The following RIT2 variants were observed in gnomAD, a reference collection of about 807,000 sequenced individuals.
The protein encoded by RIT2 is GTP-binding protein Rit2.
RIT2 carries 24 observed loss-of-function variants against 23.7 expected under a neutral mutation model. That is an observed-to-expected ratio of 1.01 (90% CI 0.73 to 1.43). The LOEUF (loss-of-function observed/expected upper bound fraction) is 1.43. Ranked by LOEUF, RIT2 falls within the 40% of genes most tolerant of loss-of-function variation. RIT2 has a pLI of 0.00. For missense variants in RIT2, 236 were observed against 266.9 expected, an observed-to-expected ratio of 0.88 and a Z score of 0.81; for synonymous variants, 107 against 91.1, an observed-to-expected ratio of 1.17 and a Z score of -0.99.
intron 3 of RIT2, among the ~76,000 whole-genome samples, chr18:42,935,995 C>CA (rs1909448876): frequency 6.6e-6 from 1 of 151,696 alleles, no homozygotes; most frequent in African/African-American, 2.4e-5. Flanking sequence ...TTTCCTTTTA[C>CA]ATCCGAGATA....
intron 1 of RIT2, among the ~76,000 whole-genome samples, chr18:43,069,400 C>T (rs1026629969): frequency 6.6e-6 from 1 of 152,134 alleles, no homozygotes; most frequent in Non-Finnish European, 1.5e-5. Context: ...CAAGAACTCT[C>T]TTTTGGGATC....
chr18:42,964,349 T>C (rs1254578773), intron 3 of RIT2, among the ~76,000 whole-genome samples: 1 of 151,952 alleles, frequency 6.6e-6, no homozygotes, highest in African/African-American at 2.4e-5. Context: ...AGATAGCTAC[T>C]AGATGAAAAG....
chr18:43,045,023 T>C (rs554107662), intron 1 of RIT2, among the ~76,000 whole-genome samples: 1 of 152,326 alleles, frequency 6.6e-6, no homozygotes, highest in South Asian at 2.1e-4. Context: ...TGACAGTTTA[T>C]TTTGAACTTA....
chr18:42,938,850 C>T (rs559306282), intron 3 of RIT2, among the ~76,000 whole-genome samples: 10 of 152,200 alleles, frequency 6.6e-5, no homozygotes, highest in African/African-American at 2.4e-4. Context: ...GTGACCCTCC[C>T]GTCTCAGCCT....
intron 2 of RIT2, among the ~76,000 whole-genome samples, chr18:43,004,068 A>G (rs1169544856): frequency 1.3e-5 from 2 of 151,852 alleles, no homozygotes; most frequent in African/African-American, 2.4e-5. Context: ...TGCCGAAAAC[A>G]GTACTTTAAT....
intron 4 of RIT2, among the ~76,000 whole-genome samples, chr18:42,786,803 C>T (rs1443524521): frequency 2.6e-5 from 4 of 152,088 alleles, no homozygotes; most frequent in African/African-American, 9.7e-5. Context: ...TTCCATTTAT[C>T]AAAACTCGTT....
intron 4 of RIT2, among the ~76,000 whole-genome samples, chr18:42,785,472 T>C (rs1244135798): frequency 6.6e-6 from 1 of 151,898 alleles, no homozygotes; most frequent in Admixed American, 6.6e-5. Flanking sequence ...ATTTAAATTA[T>C]ATTTCTAGAT....
chr18:42,990,435 A>G (rs1285279681), intron 2 of RIT2, among the ~76,000 whole-genome samples: 2 of 152,196 alleles, frequency 1.3e-5, no homozygotes, highest in Non-Finnish European at 2.9e-5. Context: ...GGCCCAGTTG[A>G]TCTGATGTAT....
At chr18:42,809,817 T>A (rs1905785275) in intron 4 of RIT2, among the ~76,000 whole-genome samples, 1 of 133,964 alleles carries the variant, frequency 7.5e-6, no homozygotes, top group Admixed American at 7.4e-5. Context: ...TTATAACTTA[T>A]ATATATAATA....
chr18:42,897,163 C>T (rs949224), intron 4 of RIT2, among the ~76,000 whole-genome samples: 4 of 152,124 alleles, frequency 2.6e-5, no homozygotes, highest in African/African-American at 9.7e-5. Flanking sequence ...CTTTTACTTC[C>T]TTATATAAAA....
In RIT2 at chr18:42,923,766, G is replaced by T. The variant is rs916071653; in HGVS notation, c.235-3C>A. 4 of 1,531,038 alleles carry T rather than the reference G, an allele frequency of 2.6e-6. No individual in the cohort carries two copies. The highest frequency in any genetic ancestry group is 2.2e-5 in the Admixed American group (1 of 45,280). The allele number at this position is 1,531,038 out of a possible 1,614,324, so 94.8% of individuals were successfully genotyped here. A position where few individuals can be genotyped will look rare whatever the true frequency, so the allele number is the denominator to read the frequency against. On this transcript the variant is annotated splice_region_variant and splice_polypyrimidine_tract_variant and intron_variant, in intron 3 of 4. Coordinates refer to ENST00000326695, the MANE Select transcript of RIT2 (RefSeq NM_002930.4). ...TCCCGCATGGCTGTGAATTCTGCCT[G>T]CAGGAAAAAAAAAAAAAAATTAGTT...
intron 1 of RIT2, among the ~76,000 whole-genome samples, chr18:43,098,660 G>T (rs1598783455): frequency 6.6e-6 from 1 of 152,008 alleles, no homozygotes; most frequent in East Asian, 1.9e-4. Flanking sequence ...ATGAGGAAGT[G>T]CCAGGTACTG....
At chr18:43,070,700 T>C (rs144189361) in intron 1 of RIT2, among the ~76,000 whole-genome samples, 18 of 152,318 alleles carry the variant, frequency 1.2e-4, no homozygotes, top group African/African-American at 3.8e-4. Context: ...TCAGCTATTA[T>C]GTAGTGAATT....
At chr18:43,074,127 T>C (rs548566092) in intron 1 of RIT2, among the ~76,000 whole-genome samples, 7 of 152,308 alleles carry the variant, frequency 4.6e-5, no homozygotes, top group South Asian at 2.1e-4. Context: ...CTTTACTAAA[T>C]AATCTTTTGC....
chr18:42,835,218 G>A, intron 4 of RIT2, among the ~76,000 whole-genome samples: 1 of 152,056 alleles, frequency 6.6e-6, no homozygotes, highest in Non-Finnish European at 1.5e-5. Context: ...TGCTAAATGT[G>A]TAGATTATGG....
At chr18:42,859,247 T>G (rs955361797) in intron 4 of RIT2, among the ~76,000 whole-genome samples, 4 of 152,180 alleles carry the variant, frequency 2.6e-5, no homozygotes, top group Admixed American at 2.6e-4. Flanking sequence ...TTTTTGACAT[T>G]AGTGGGTGTG....
intron 4 of RIT2, among the ~76,000 whole-genome samples, chr18:42,868,182 T>C (rs2144059172): frequency 6.6e-6 from 1 of 152,362 alleles, no homozygotes; most frequent in South Asian, 2.1e-4. Context: ...TTTTAACTGC[T>C]GGGAAAGTAA....
At chr18:43,006,477 A>T (rs1156477587) in intron 2 of RIT2, among the ~76,000 whole-genome samples, 2 of 151,636 alleles carry the variant, frequency 1.3e-5, no homozygotes, top group Non-Finnish European at 3.0e-5. Flanking sequence ...AGCATAATGC[A>T]AGATATTAAA....
intron 2 of RIT2, among the ~76,000 whole-genome samples, chr18:43,021,163 A>T (rs1911588703): frequency 6.6e-6 from 1 of 152,110 alleles, no homozygotes; most frequent in African/African-American, 2.4e-5. Context: ...AAAACTCAAT[A>T]GCAAAAAAGT....
Sources: gnomAD v4.1 joint callset for allele counts (sites outside exome capture counted in the v4.1 genomes callset) on GRCh38, gnomAD v4.1.1 for gene constraint, MANE v1.5 for transcripts, NCBI Gene and HGNC (gene_info 2026-07-23, HGNC 2026-07-21) for gene names.